Variants in TRIM32 observed in about 807,000 individuals in gnomAD.
TRIM32 encodes tripartite motif containing 32.
TRIM32 carries 19 observed loss-of-function variants against 36.0 expected under a neutral mutation model. The observed-to-expected ratio is 0.53, with a 90% CI of 0.37 to 0.77. The LOEUF is 0.77. TRIM32 is among the 30% of genes least tolerant of loss of function. The pLI, the probability that TRIM32 is intolerant of heterozygous loss-of-function variation, is 0.00. For missense variants in TRIM32, 747 were observed against 845.2 expected, an observed-to-expected ratio of 0.88 and a Z score of 1.44; for synonymous variants, 309 against 318.5, an observed-to-expected ratio of 0.97 and a Z score of 0.32.
At chr9:116,690,998 C>T (rs1340917474) in intron 1 of TRIM32, among the ~76,000 whole-genome samples, 1 of 152,112 alleles carries the variant, frequency 6.6e-6, no homozygotes, top group Non-Finnish European at 1.5e-5. Context: ...CAGTTCACTG[C>T]AGCCTCAACC....
Position 116,698,081 on chromosome 9 carries a change from G to A in TRIM32, c.339G>A (p.Arg113=), listed in dbSNP as rs150477945. The A allele has an allele frequency of 1.2e-6, 2 of 1,614,138 alleles. No individual in the cohort carries two copies. The highest frequency in any genetic ancestry group is 1.1e-5 in the South Asian group (1 of 91,088). The part of the protein sequence containing the change: ...CGRRLPRQFC[R]SCGLVLCEPC... ...GGCGTCTGCCCCGGCAATTCTGCCG[G>A]AGCTGTGGTTTGGTGTTATGTGAGC... The change falls in exon 2 of 2, where the codon CGG becomes CGA. Residue 113 remains arginine, a synonymous_variant. Coordinates refer to ENST00000450136, the MANE Select transcript of TRIM32 (RefSeq NM_012210.4). This position sits in a 1 kb window ranked among gnomAD's most constrained non-coding sequence, Gnocchi z 4.4.
intron 1 of TRIM32, among the ~76,000 whole-genome samples, chr9:116,692,068 G>T (rs1427365350): frequency 6.6e-6 from 1 of 152,184 alleles, no homozygotes; most frequent in Non-Finnish European, 1.5e-5. Flanking sequence ...ACACATAGTA[G>T]GTGCTTAGTA....
rs11340280 is a variant in TRIM32 at position 116,694,627 on chromosome 9, ATT to A, written c.-81-3019_-81-3018del. Among the ~76,000 whole-genome samples the A allele has an allele frequency of 7.5e-3, 964 of 128,022 alleles. 13 individuals carry two copies. The highest frequency in any genetic ancestry group is 0.025 in the African/African-American group (842 of 33,766). The allele number at this position is 128,022 out of a possible 152,430, so 84.0% of individuals were successfully genotyped here. A position where few individuals can be genotyped will look rare whatever the true frequency, so the allele number is the denominator to read the frequency against. On this transcript the variant is annotated intron_variant, in intron 1 of 1. Transcript: ENST00000450136. ...AGGCGCCTGCCACCACGCCCAGCTA[ATT>A]TTTTTTTTTTTTTTTGTATTTTTAG...
intron 1 of TRIM32, among the ~76,000 whole-genome samples, chr9:116,695,631 CT>C (rs1860807809): frequency 1.3e-5 from 2 of 152,194 alleles, no homozygotes; most frequent in African/African-American, 4.8e-5. Context: ...GGTTGACCAT[CT>C]GCAGATCACA....
At chr9:116,697,246 G>A (rs1485461289) in intron 1 of TRIM32, 1 of 161,720 alleles carries the variant, frequency 6.2e-6, no homozygotes, top group Non-Finnish European at 1.4e-5. Flanking sequence ...ATAATCATTA[G>A]CTCATTAGCA....
chr9:116,689,822 T>A (rs1860472692), intron 1 of TRIM32, among the ~76,000 whole-genome samples: 1 of 152,104 alleles, frequency 6.6e-6, no homozygotes, highest in Non-Finnish European at 1.5e-5. Context: ...CCTGAGGTTA[T>A]CAGGCAGGAT....
chr9:116,699,326 C>T lies in TRIM32; in HGVS notation c.1584C>T (p.Tyr528=). 1.2e-6 allele frequency: 2 copies of T among 1,614,228 alleles called. No individual in the cohort carries two copies. Among genetic ancestry groups the T allele is most frequent in the African/African-American group, 1.3e-5 (1 of 75,054 alleles). Residue 528 remains tyrosine (Y), a synonymous_variant, in exon 2 of 2, where the codon TAC becomes TAT. Transcript: ENST00000450136. This position sits in a 1 kb window ranked among gnomAD's most constrained non-coding sequence, Gnocchi z 4.2. ...CCTGTGATGCTGAGGGCACCGTCTA[C>T]TTCACCCAGGGCTTAGGCCTCAATC... is the stretch of plus-strand genomic sequence containing the variant. ...FVTCDAEGTV[Y]FTQGLGLNLE...
At chr9:116,693,418 A>C (rs930556802) in intron 1 of TRIM32, among the ~76,000 whole-genome samples, 9 of 152,200 alleles carry the variant, frequency 5.9e-5, no homozygotes, top group African/African-American at 2.2e-4. Flanking sequence ...GTGGTGCTAG[A>C]AGAGGCGAGA....
intron 1 of TRIM32, among the ~76,000 whole-genome samples, chr9:116,691,751 A>C (rs890446712): frequency 2.0e-5 from 3 of 152,178 alleles, no homozygotes; most frequent in African/African-American, 7.2e-5. Context: ...TGATGACCTC[A>C]CTGAATTCGT....
In TRIM32 at chr9:116,700,502, G is replaced by T. The variant is rs772100034; in HGVS notation, c.*798G>T. On this transcript the variant is annotated 3_prime_UTR_variant, in exon 2 of 2. Coordinates refer to ENST00000450136, the MANE Select transcript of TRIM32 (RefSeq NM_012210.4). Reference sequence around the variant, plus strand: ...AATGCTGATATAGTCAGCAAATTTGGATAGTCTCTAGGGCTCATCATTTTT... The same window carrying T: ...AATGCTGATATAGTCAGCAAATTTGTATAGTCTCTAGGGCTCATCATTTTT... 7 of 167,144 alleles carry T rather than the reference G, an allele frequency of 4.2e-5. No individual in the cohort carries two copies. Among genetic ancestry groups the T allele is most frequent in the Non-Finnish European group, 1.0e-4 (7 of 68,208 alleles). The allele number at this position is 167,144 out of a possible 1,614,324, so 10.4% of individuals were successfully genotyped here.
Position 116,698,145 on chromosome 9 carries a change from A to G in TRIM32, c.403A>G (p.Thr135Ala), listed in dbSNP as rs770696637. Residue 135 changes from threonine to alanine, a missense_variant, in exon 2 of 2, where the codon ACA becomes GCA. Coordinates refer to ENST00000450136, the MANE Select transcript of TRIM32 (RefSeq NM_012210.4). The surrounding 1 kb of genome is among the most constrained non-coding windows in gnomAD (Gnocchi z 4.4). ...AGACCATCAGCCTCCTGGCCACTGT[A>G]CACTCCCTGTCAAAGAAGCAGCTGA... ...EADHQPPGHC[T>A]LPVKEAAEER... 10 of 1,613,980 alleles carry G rather than the reference A, an allele frequency of 6.2e-6. No individual in the cohort carries two copies. In the South Asian group the frequency reaches 7.7e-5, roughly 12 times the overall value.
Position 116,698,161 on chromosome 9 carries a change from A to C in TRIM32, c.419A>C (p.Glu140Ala), listed in dbSNP as rs767396315. Residue 140 changes from glutamate to alanine, a missense_variant, in exon 2 of 2, where the codon GAA becomes GCA. By Grantham distance (107) the Glu-to-Ala change is moderately radical. Transcript: ENST00000450136. The surrounding 1 kb of genome is among the most constrained non-coding windows in gnomAD (Gnocchi z 4.4). ...GGCCACTGTACACTCCCTGTCAAAG[A>C]AGCAGCTGAGGAGCGGCGTCGGGAC... ...PPGHCTLPVK[E>A]AAEERRRDFG... 1 of 1,614,098 alleles carries C rather than the reference A, an allele frequency of 6.2e-7. No homozygotes were observed. Among genetic ancestry groups the C allele is most frequent in the African/African-American group, 1.3e-5 (1 of 75,026 alleles).
rs374248541 is a variant in TRIM32, at chr9:116,698,392, A to G, written c.650A>G (p.Asn217Ser). ...TGSLAEVEKS[N>S]SQVVEEQSYL... ...TCTTTGGCTGAAGTTGAGAAGTCCAATAGTCAAGTGGTAGAGGAGCAGAGT... is the reference window on the plus strand; with the variant it reads ...TCTTTGGCTGAAGTTGAGAAGTCCAGTAGTCAAGTGGTAGAGGAGCAGAGT... The change falls in exon 2 of 2, where the codon AAT (asparagine) becomes AGT (serine). Residue 217 changes from asparagine to serine, a missense_variant. Transcript: ENST00000450136. This position sits in a 1 kb window ranked among gnomAD's most constrained non-coding sequence, Gnocchi z 4.4. 1.8e-5 allele frequency: 29 copies of G among 1,614,030 alleles called. No individual in the cohort carries two copies. The highest frequency in any genetic ancestry group is 1.6e-4 in the Middle Eastern group (1 of 6,080).
At position 116,699,524 on chromosome 9, in the gene TRIM32, T is replaced by C; in HGVS notation, c.1782T>C (p.Ser594=). ...GTGGTGATCTCATCGTGGCTGACAGTAGTCGCAAGGAAATTCTCCATTTTC... is the reference window on the plus strand; with the variant it reads ...GTGGTGATCTCATCGTGGCTGACAGCAGTCGCAAGGAAATTCTCCATTTTC... ...DARGDLIVAD[S]SRKEILHFPK... The change falls in exon 2 of 2, where the codon AGT becomes AGC. Residue 594 remains serine, a synonymous_variant. Transcript: ENST00000450136. The surrounding 1 kb of genome is among the most constrained non-coding windows in gnomAD (Gnocchi z 4.2). The C allele has an allele frequency of 1.9e-6, 3 of 1,614,172 alleles. No homozygotes were observed. Among genetic ancestry groups the C allele is most frequent in the Middle Eastern group, 1.6e-4 (1 of 6,062 alleles).
Position 116,697,782 on chromosome 9 carries a change from C to T in TRIM32, c.40C>T (p.Leu14Phe), listed in dbSNP as rs756350336. The T allele has an allele frequency of 1.4e-5, 22 of 1,614,116 alleles. No homozygotes were observed. Among genetic ancestry groups the T allele is most frequent in the Non-Finnish European group, 1.8e-5 (21 of 1,180,050 alleles). ...AAASHLNLDA[L>F]REVLECPICM... ...AGCTTCTCACCTGAACCTGGATGCCCTCCGGGAAGTGCTAGAATGCCCCAT... is the reference window on the plus strand; with the variant it reads ...AGCTTCTCACCTGAACCTGGATGCCTTCCGGGAAGTGCTAGAATGCCCCAT... The change falls in exon 2 of 2, where the codon CTC (leucine) becomes TTC (phenylalanine). Residue 14 changes from leucine (L) to phenylalanine (F), a missense_variant. Coordinates refer to ENST00000450136, the MANE Select transcript of TRIM32 (RefSeq NM_012210.4).
At position 116,698,300 on chromosome 9, in the gene TRIM32, G is replaced by C. The variant is rs117599771; in HGVS notation, c.558G>C (p.Gln186His). 2.5e-3 allele frequency: 4,080 copies of C among 1,614,180 alleles called. 9 individuals are homozygous for C. The highest frequency in any genetic ancestry group is 3.6e-3 in the Middle Eastern group (22 of 6,062). Residue 186 changes from glutamine to histidine, a missense_variant, in exon 2 of 2, where the codon CAG becomes CAC. Physicochemically the swap from Gln to His is conservative, Grantham distance 24 (BLOSUM62 0). Transcript: ENST00000450136. This position sits in a 1 kb window ranked among gnomAD's most constrained non-coding sequence, Gnocchi z 4.4. ...AGGCAAGGTATAAAGCAGTTCTCCA[G>C]GAGTATGGGCATGAGGAGCGCAGGG... ...DLQARYKAVLQEYGHEERRVQ... is the reference protein window; with the variant it reads ...DLQARYKAVLHEYGHEERRVQ...
chr9:116,690,098 A>G (rs960947937), intron 1 of TRIM32, among the ~76,000 whole-genome samples: 3 of 152,270 alleles, frequency 2.0e-5, no homozygotes, highest in Non-Finnish European at 2.9e-5. Flanking sequence ...ACATCCCTAA[A>G]AGAAAATATG....
chr9:116,698,510 G>C lies in TRIM32; in HGVS notation c.768G>C (p.Glu256Asp). ...IKQADVALLE[E>D]TADEEEPELT... is the part of the protein sequence containing the mutation. Reference sequence around the variant, plus strand: ...AGGCAGATGTAGCACTACTGGAGGAGACAGCTGATGAGGAGGAGCCAGAGC... The same window carrying C: ...AGGCAGATGTAGCACTACTGGAGGACACAGCTGATGAGGAGGAGCCAGAGC... Residue 256 changes from glutamate (E) to aspartate (D), a missense_variant, in exon 2 of 2, where the codon GAG becomes GAC. Coordinates refer to ENST00000450136, the MANE Select transcript of TRIM32 (RefSeq NM_012210.4). This position sits in a 1 kb window ranked among gnomAD's most constrained non-coding sequence, Gnocchi z 4.4. 6.2e-7 allele frequency: 1 copy of C among 1,613,836 alleles called. No homozygotes were observed. Among genetic ancestry groups the C allele is most frequent in the Non-Finnish European group, 8.5e-7 (1 of 1,180,026 alleles).
chr9:116,691,488 ATT>A (rs1030340140), intron 1 of TRIM32, among the ~76,000 whole-genome samples: 4 of 152,220 alleles, frequency 2.6e-5, no homozygotes, highest in Admixed American at 6.5e-5. Context: ...CCTATTATTC[ATT>A]TAGCCTGCCC....
Sources: allele counts gnomAD v4.1 joint callset (sites outside exome capture counted in the v4.1 genomes callset), GRCh38; gene constraint gnomAD v4.1.1; non-coding constraint Gnocchi (gnomAD v3.1); transcripts MANE v1.5; gene names NCBI Gene and HGNC (gene_info 2026-07-23, HGNC 2026-07-21).